Variants in SZRD1 observed in about 807,000 individuals in gnomAD.
SZRD1 encodes SUZ RNA-binding domain-containing.
In SZRD1, 7 loss-of-function variants were observed where a neutral mutation model predicts 17.6. The ratio of observed to expected loss-of-function variants is 0.40; its 90% confidence interval spans 0.23 to 0.75. SZRD1 has a LOEUF of 0.75. Ranked by LOEUF, SZRD1 falls within the 30% of genes least tolerant of loss-of-function variation. The pLI is 0.38. For missense variants in SZRD1, 178 were observed against 201.8 expected (o/e 0.88, Z 0.71); for synonymous variants, 77 against 77.9 (o/e 0.99, Z 0.06).
Position 16,397,388 on chromosome 1 carries a change from G to A in SZRD1, c.*2248G>A, listed in dbSNP as rs1424557577. On this transcript the variant is annotated 3_prime_UTR_variant, in exon 4 of 4. Coordinates refer to ENST00000401088, the MANE Select transcript of SZRD1 (RefSeq NM_001114600.3). The surrounding 1 kb of genome is among the most constrained non-coding windows in gnomAD (Gnocchi z 5.4). ...GTATTGTGTCGGGGGAGGCGGGAGGGAGATGAGGAAACGGTTTGGATTTTG... is the reference window on the plus strand; with the variant it reads ...GTATTGTGTCGGGGGAGGCGGGAGGAAGATGAGGAAACGGTTTGGATTTTG... 1.3e-5 allele frequency: 2 copies of A among 152,276 alleles called. No individual in the cohort carries two copies. Among genetic ancestry groups the A allele is most frequent in the African/African-American group, 2.4e-5 (1 of 41,470 alleles). 9.4% of individuals were successfully genotyped at this position (152,276 alleles called of 1,614,324 possible).
intron 1 of SZRD1, among the ~76,000 whole-genome samples, chr1:16,373,378 G>C (rs916441281): frequency 6.6e-6 from 1 of 151,868 alleles, no homozygotes; most frequent in East Asian, 1.9e-4. Context: ...TCAGGAGTTC[G>C]AGACCAGCTT....
At chr1:16,369,513 C>T in intron 1 of SZRD1, 1 of 858,376 alleles carries the variant, frequency 1.2e-6, no homozygotes. Context: ...TCACCACAGG[C>T]TTTTTCACAG....
At chr1:16,385,503 G>A (rs967986000) in intron 1 of SZRD1, among the ~76,000 whole-genome samples, 2 of 152,122 alleles carry the variant, frequency 1.3e-5, no homozygotes, top group African/African-American at 4.8e-5. Context: ...ACCCAGAATA[G>A]CCTATTTCTT....
Position 16,369,182 on chromosome 1 carries a change from T to C in SZRD1, c.51+1874T>C. 6.3e-6 allele frequency: 3 copies of C among 476,984 alleles called. No individual in the cohort carries two copies. In the Admixed American group the frequency reaches 1.1e-4, roughly 17 times the overall value. The allele number at this position is 476,984 out of a possible 1,614,324, so 29.5% of individuals were successfully genotyped here. On this transcript the variant is annotated intron_variant, in intron 1 of 3. Coordinates refer to ENST00000401088, the MANE Select transcript of SZRD1 (RefSeq NM_001114600.3). Reference sequence around the variant, plus strand: ...TCATCTTCCTCCTCTTTGTCCTGGTTAATCTGGAAGTAACATAATTTGTAG... The same window carrying C: ...TCATCTTCCTCCTCTTTGTCCTGGTCAATCTGGAAGTAACATAATTTGTAG...
Position 16,393,795 on chromosome 1 carries a change from CTCT to C in SZRD1, c.356+318_356+320del, listed in dbSNP as rs1443275176. ...GCTTGTGTCAAAATCTGCCTCTTAC[CTCT>C]TCTTTAGAACGACTTGACCTCTCTG... On this transcript the variant is annotated intron_variant, in intron 3 of 3. Coordinates refer to ENST00000401088, the MANE Select transcript of SZRD1 (RefSeq NM_001114600.3). The surrounding 1 kb of genome is among the most constrained non-coding windows in gnomAD (Gnocchi z 5.6). Among the ~76,000 whole-genome samples, 2 of 152,172 alleles carry C rather than the reference CTCT, an allele frequency of 1.3e-5. No individual in the cohort carries two copies. The highest frequency in any genetic ancestry group is 2.9e-5 in the Non-Finnish European group (2 of 68,038).
At chr1:16,381,124 C>T (rs1026019320) in intron 1 of SZRD1, among the ~76,000 whole-genome samples, 5 of 149,852 alleles carry the variant, frequency 3.3e-5, no homozygotes, top group African/African-American at 9.8e-5. Flanking sequence ...TGTGGTGGCA[C>T]ATGCCTATAA....
chr1:16,387,102 C>T (rs1213567523), intron 1 of SZRD1: 3 of 338,288 alleles, frequency 8.9e-6, no homozygotes, highest in African/African-American at 2.2e-5. Flanking sequence ...TGTTGACAGC[C>T]ATAATACATT....
chr1:16,369,720 C>T (rs1184722013), intron 1 of SZRD1, among the ~76,000 whole-genome samples: 1 of 152,106 alleles, frequency 6.6e-6, no homozygotes, highest in African/African-American at 2.4e-5. Context: ...GAAACCCCAT[C>T]TCTACTAAAA....
chr1:16,380,562 G>C (rs973613833), intron 1 of SZRD1, among the ~76,000 whole-genome samples: 2 of 151,872 alleles, frequency 1.3e-5, no homozygotes, highest in African/African-American at 2.4e-5. Context: ...TCCACCTCCC[G>C]GGTTCAAGCG....
Position 16,374,697 on chromosome 1 carries a change from A to G in SZRD1, c.51+7389A>G, listed in dbSNP as rs183970177. Among the ~76,000 whole-genome samples, 341 of 152,280 alleles carry G rather than the reference A, an allele frequency of 2.2e-3. 4 individuals carry two copies. Among genetic ancestry groups the G allele is most frequent in the African/African-American group, 7.9e-3 (328 of 41,560 alleles). On this transcript the variant is annotated intron_variant, in intron 1 of 3. Transcript: ENST00000401088. Reference sequence around the variant, plus strand: ...GCTGTTGGCCCCGACAGCTAGCATCAGTTTCTGGCTGTATCAGGTAGCTAG... The same window carrying G: ...GCTGTTGGCCCCGACAGCTAGCATCGGTTTCTGGCTGTATCAGGTAGCTAG...
chr1:16,393,182 CTT>C lies in SZRD1; in HGVS notation c.102-45_102-44del. On this transcript the variant is annotated intron_variant, in intron 2 of 3. Coordinates refer to ENST00000401088, the MANE Select transcript of SZRD1 (RefSeq NM_001114600.3). The surrounding 1 kb of genome is among the most constrained non-coding windows in gnomAD (Gnocchi z 5.6). The stretch of plus-strand genomic sequence containing the variant: ...GGGTGTGGGACATGGACAGGGCCTC[CTT>C]AGTCAGGAGCATGATTTGTGAAGCT... 6.2e-7 allele frequency: 1 copy of C among 1,602,348 alleles called. No homozygotes were observed. Among genetic ancestry groups the C allele is most frequent in the Non-Finnish European group, 8.5e-7 (1 of 1,172,208 alleles).
In SZRD1 at chr1:16,393,120, G is replaced by A; in HGVS notation, c.102-108G>A. The A allele has an allele frequency of 7.0e-7, 1 of 1,431,164 alleles. No individual in the cohort carries two copies. The highest frequency in any genetic ancestry group is 9.6e-7 in the Non-Finnish European group (1 of 1,036,844). 88.7% of individuals were successfully genotyped at this position (1,431,164 alleles called of 1,614,324 possible). A position where few individuals can be genotyped will look rare whatever the true frequency, so the allele number is the denominator to read the frequency against. ...GTCAGAGGCCAGAGAATCATGCATG[G>A]GTAGAATTAGGGAGGGAGAGGAAAG... On this transcript the variant is annotated intron_variant, in intron 2 of 3. Transcript: ENST00000401088. This position sits in a 1 kb window ranked among gnomAD's most constrained non-coding sequence, Gnocchi z 5.6.
chr1:16,385,226 CTT>C (rs2083168783), intron 1 of SZRD1, among the ~76,000 whole-genome samples: 2 of 152,134 alleles, frequency 1.3e-5, no homozygotes, highest in South Asian at 4.1e-4. Flanking sequence ...ACAGTACAGT[CTT>C]TTGGCTTGTA....
Position 16,393,424 on chromosome 1 carries a change from A to C in SZRD1, c.298A>C (p.Lys100Gln). 6.2e-7 allele frequency: 1 copy of C among 1,614,144 alleles called. No individual in the cohort carries two copies. The highest frequency in any genetic ancestry group is 8.5e-7 in the Non-Finnish European group (1 of 1,180,022). Reference protein sequence around the residue: ...QREAEYAEARKRILGSASPEE... With the variant: ...QREAEYAEARQRILGSASPEE... ...AGAGGCCGAGTACGCCGAGGCCCGG[A>C]AGCGGATCCTGGGCAGCGCCAGCCC... The change falls in exon 3 of 4, where the codon AAG (lysine) becomes CAG (glutamine). Residue 100 changes from lysine to glutamine, a missense_variant. Lys to Gln is a moderately conservative substitution (Grantham distance 53, BLOSUM62 1). Transcript: ENST00000401088. This position sits in a 1 kb window ranked among gnomAD's most constrained non-coding sequence, Gnocchi z 5.6.
chr1:16,383,117 C>T (rs181873675), intron 1 of SZRD1, among the ~76,000 whole-genome samples: 40 of 152,296 alleles, frequency 2.6e-4, no homozygotes, highest in Middle Eastern at 6.8e-3. Context: ...GCACCCACCT[C>T]GGCCTCCCAA....
chr1:16,384,816 T>G (rs1408163848), intron 1 of SZRD1, among the ~76,000 whole-genome samples: 2 of 152,154 alleles, frequency 1.3e-5, no homozygotes, highest in Non-Finnish European at 2.9e-5. Context: ...CTGGGAGAAA[T>G]CTGTTGTGCT....
rs751497147 is a variant in SZRD1 at position 16,393,720 on chromosome 1, G to T, written c.356+238G>T. On this transcript the variant is annotated intron_variant, in intron 3 of 3. Transcript: ENST00000401088. This position sits in a 1 kb window ranked among gnomAD's most constrained non-coding sequence, Gnocchi z 5.6. ...AGTTTGCTGGCATGCTCCCTCTGCG[G>T]TTGGTAGTCACCGGGGGCACTGTTG... Among the ~76,000 whole-genome samples the T allele has an allele frequency of 1.3e-4, 20 of 152,244 alleles. No homozygotes were observed. The highest frequency in any genetic ancestry group is 2.1e-4 in the Non-Finnish European group (14 of 68,040).
At chr1:16,370,968 A>G (rs1314911523) in intron 1 of SZRD1, among the ~76,000 whole-genome samples, 1 of 152,220 alleles carries the variant, frequency 6.6e-6, no homozygotes, top group Non-Finnish European at 1.5e-5. Context: ...TGCAGGCTAT[A>G]CATGTCTTTC....
In SZRD1 at chr1:16,393,719, G is replaced by A. The variant is rs115902607; in HGVS notation, c.356+237G>A. ...CAGTTTGCTGGCATGCTCCCTCTGC[G>A]GTTGGTAGTCACCGGGGGCACTGTT... On this transcript the variant is annotated intron_variant, in intron 3 of 3. Transcript: ENST00000401088. The surrounding 1 kb of genome is among the most constrained non-coding windows in gnomAD (Gnocchi z 5.6). Among the ~76,000 whole-genome samples, 710 of 152,312 alleles carry A rather than the reference G, an allele frequency of 4.7e-3. 7 individuals carry two copies. Among genetic ancestry groups the A allele is most frequent in the African/African-American group, 0.016 (663 of 41,564 alleles).
Sources: allele counts gnomAD v4.1 joint callset (sites outside exome capture counted in the v4.1 genomes callset), GRCh38; gene constraint gnomAD v4.1.1; non-coding constraint Gnocchi (gnomAD v3.1); transcripts MANE v1.5; gene names NCBI Gene and HGNC (gene_info 2026-07-23, HGNC 2026-07-21).